The following MYBPC1 variants were observed in gnomAD, a reference collection of about 807,000 sequenced individuals.
MYBPC1 encodes the protein myosin-binding protein C, slow-type.
In MYBPC1, 52 loss-of-function variants were observed where a neutral mutation model predicts 147.1. The ratio of observed to expected loss-of-function variants is 0.35; its 90% CI spans 0.28 to 0.45. MYBPC1 has a LOEUF of 0.45. Among genes scored for constraint, MYBPC1 ranks in the 20% least tolerant of loss-of-function variants. The pLI, the probability that MYBPC1 is intolerant of heterozygous loss-of-function variation, is 1.00. For synonymous variants in MYBPC1, 477 were observed against 475.9 expected (o/e 1.00, Z -0.03); for missense variants, 1,228 against 1,440.3 (o/e 0.85, Z 2.39).
Position 101,685,738 on chromosome 12 carries a change from T to C in MYBPC1, c.*176T>C. On this transcript the variant is annotated 3_prime_UTR_variant, in exon 32 of 32. Transcript: ENST00000361466. ...CTGCTGCTTTGAAATCTGGTTGAAA[T>C]GAGAAAAAGCATTTTCTGTTTTCCC... 3.1e-6 allele frequency: 4 copies of C among 1,290,348 alleles called. No individual in the cohort carries two copies. The highest frequency in any genetic ancestry group is 4.2e-6 in the Non-Finnish European group (4 of 947,026). The allele number at this position is 1,290,348 out of a possible 1,614,324, so 79.9% of individuals were successfully genotyped here.
rs150025306 is a variant in MYBPC1, at chr12:101,633,593, A to C, written c.557-961A>C. On this transcript the variant is annotated intron_variant, in intron 8 of 31. Coordinates refer to ENST00000361466, the MANE Select transcript of MYBPC1 (RefSeq NM_002465.4). ...TCCCAGCTGCTTGGGAGGCTGAGGC[A>C]GGAGAATCGCTTGAACCGGGGAGGC... 3.3e-3 allele frequency among the ~76,000 whole-genome samples: 495 copies of C among 151,834 alleles called. 4 individuals are homozygous for C. Among genetic ancestry groups the C allele is most frequent in the African/African-American group, 0.011 (476 of 41,454 alleles).
intron 18 of MYBPC1, among the ~76,000 whole-genome samples, chr12:101,653,588 G>C (rs569384728): frequency 1.3e-5 from 2 of 152,264 alleles, no homozygotes; most frequent in East Asian, 3.9e-4. Context: ...ATAGTAATAA[G>C]TACAAGAAGA....
chr12:101,692,112 C>T, the MYBPC1 span, among the ~76,000 whole-genome samples: 4 of 152,062 alleles, frequency 2.6e-5, no homozygotes, highest in African/African-American at 4.8e-5. Flanking sequence ...AGCCAATGGG[C>T]CCACACAGCT....
chr12:101,600,112 T>C (rs1879261992), intron 1 of MYBPC1, among the ~76,000 whole-genome samples: 1 of 152,132 alleles, frequency 6.6e-6, no homozygotes, highest in South Asian at 2.1e-4. Flanking sequence ...CTAAAGAAAT[T>C]CCCTCTTGTT....
intron 1 of MYBPC1, among the ~76,000 whole-genome samples, chr12:101,608,772 C>G (rs555926997): frequency 6.6e-6 from 1 of 152,308 alleles, no homozygotes; most frequent in African/African-American, 2.4e-5. Context: ...AGTCAAAACT[C>G]TAGCCCTAAT....
the MYBPC1 span, among the ~76,000 whole-genome samples, chr12:101,693,949 C>T: frequency 6.6e-6 from 1 of 152,092 alleles, no homozygotes; most frequent in African/African-American, 2.4e-5. Flanking sequence ...TTCTCTTTTT[C>T]CCCTTCCTAT....
At chr12:101,694,990 C>T in the MYBPC1 span, among the ~76,000 whole-genome samples, 3 of 152,270 alleles carry the variant, frequency 2.0e-5, no homozygotes, top group Non-Finnish European at 4.4e-5. Context: ...TCCTAGGATA[C>T]ATGTGCAAGA....
Position 101,675,356 on chromosome 12 carries a change from A to G in MYBPC1, c.2874A>G (p.Thr958=), listed in dbSNP as rs750954960. Residue 958 remains threonine (T), a synonymous_variant, in exon 26 of 32, where the codon ACA becomes ACG. Coordinates refer to ENST00000361466, the MANE Select transcript of MYBPC1 (RefSeq NM_002465.4). ...EDVWGENVAL[T]WTPPKDDGNA... ...TCTGGGGAGAAAATGTCGCTCTCAC[A>G]TGGACTCCACCAAAGGATGATGGAA... The G allele has an allele frequency of 1.1e-5, 18 of 1,614,068 alleles. No homozygotes were observed. The highest frequency in any genetic ancestry group is 1.4e-5 in the Non-Finnish European group (16 of 1,180,020).
At chr12:101,623,561 A>T (rs890528902) in intron 3 of MYBPC1, among the ~76,000 whole-genome samples, 2 of 152,238 alleles carry the variant, frequency 1.3e-5, no homozygotes, top group Non-Finnish European at 2.9e-5. Context: ...CTCTGTGCAC[A>T]AACAAAAAGT....
chr12:101,610,838 A>C (rs936324909), intron 1 of MYBPC1, among the ~76,000 whole-genome samples: 1 of 152,172 alleles, frequency 6.6e-6, no homozygotes, highest in Non-Finnish European at 1.5e-5. Context: ...TAGCAGGGAA[A>C]GGAAGTGCAG....
chr12:101,612,864 A>G (rs556134954), intron 1 of MYBPC1, among the ~76,000 whole-genome samples: 189 of 152,342 alleles, frequency 1.2e-3, no homozygotes, highest in Non-Finnish European at 2.4e-3. Context: ...TGACAGTTTC[A>G]TGTTTTGGTT....
chr12:101,615,331 A>G (rs547180329), intron 2 of MYBPC1, among the ~76,000 whole-genome samples: 13 of 152,320 alleles, frequency 8.5e-5, no homozygotes, highest in African/African-American at 2.9e-4. Flanking sequence ...GCATTTTCCC[A>G]TAAAGACTCC....
chr12:101,669,499 C>T (rs1354487523), intron 23 of MYBPC1, among the ~76,000 whole-genome samples: 2 of 152,188 alleles, frequency 1.3e-5, no homozygotes, highest in Admixed American at 6.5e-5. Context: ...TGTCGAACTC[C>T]AACAGAGTCA....
chr12:101,610,775 G>A (rs116074001), intron 1 of MYBPC1, among the ~76,000 whole-genome samples: 2,320 of 152,282 alleles, frequency 0.015, 30 homozygotes, highest in African/African-American at 0.033. Context: ...GGGGAAAATG[G>A]TGTAATTGCG....
chr12:101,619,660 C>G (rs1023146939), intron 3 of MYBPC1, among the ~76,000 whole-genome samples: 2 of 152,168 alleles, frequency 1.3e-5, no homozygotes, highest in Non-Finnish European at 2.9e-5. Context: ...GACACTGCTG[C>G]AGAACAGAAG....
chr12:101,659,812 C>T lies in MYBPC1; in HGVS notation c.1908C>T (p.Ser636=), dbSNP rs148011650. The change falls in exon 19 of 32, where the codon AGC becomes AGT. Residue 636 remains serine (S), a synonymous_variant. Coordinates refer to ENST00000361466, the MANE Select transcript of MYBPC1 (RefSeq NM_002465.4). ...ACGAAGCTGGAGAGGCACATGCAAG[C>T]ATCAAGGTTAAAGTTGTGGGTAAGT... The part of the protein sequence containing the change: ...LKNEAGEAHA[S]IKVKVVDFPD... 5.0e-6 allele frequency: 8 copies of T among 1,614,002 alleles called. No homozygotes were observed. The highest frequency in any genetic ancestry group is 5.9e-6 in the Non-Finnish European group (7 of 1,179,996).
chr12:101,660,668 C>T (rs538331133), intron 19 of MYBPC1, among the ~76,000 whole-genome samples: 30 of 152,090 alleles, frequency 2.0e-4, no homozygotes, highest in Non-Finnish European at 3.8e-4. Context: ...TCTGTTTTCA[C>T]GTTGCTGATA....
chr12:101,645,531 T>C (rs1156875292), intron 12 of MYBPC1, among the ~76,000 whole-genome samples: 9 of 152,332 alleles, frequency 5.9e-5, no homozygotes, highest in African/African-American at 2.2e-4. Context: ...CTGTTACTTG[T>C]GGAGTACAAT....
the MYBPC1 span, among the ~76,000 whole-genome samples, chr12:101,694,775 A>C: frequency 0.024 from 3,664 of 149,734 alleles, 317 homozygotes; most frequent in East Asian, 0.29. Flanking sequence ...TTTTTCACTC[A>C]ACATATGCTT....
Sources: allele counts gnomAD v4.1 joint callset (sites outside exome capture counted in the v4.1 genomes callset), GRCh38; gene constraint gnomAD v4.1.1; transcripts MANE v1.5; gene names NCBI Gene and HGNC (gene_info 2026-07-23, HGNC 2026-07-21).